Variants in TMEM164 observed in about 807,000 individuals in gnomAD.
TMEM164 encodes transmembrane protein 164.
In TMEM164, 4 loss-of-function variants were observed where a neutral mutation model predicts 18.8. The ratio of observed to expected loss-of-function variants is 0.21; its 90% CI spans 0.10 to 0.49. TMEM164 has a LOEUF of 0.49. Among genes scored for constraint, TMEM164 ranks in the 20% least tolerant of loss-of-function variants. TMEM164 has a pLI of 0.98. For missense variants in TMEM164, 108 were observed against 239.9 expected (o/e 0.45, Z 3.63); for synonymous variants, 86 against 101.7 (o/e 0.85, Z 0.93).
At chrX:110,160,392 T>A (rs1456875160) in intron 5 of TMEM164, among the ~76,000 whole-genome samples, 1 of 112,468 alleles carries the variant, frequency 8.9e-6, no homozygotes, top group Non-Finnish European at 1.9e-5. Flanking sequence ...TTTATGCTCA[T>A]CTGCTTTGAA....
intron 2 of TMEM164, among the ~76,000 whole-genome samples, chrX:110,021,045 T>A (rs1933808598): frequency 9.9e-6 from 1 of 100,975 alleles, no homozygotes; most frequent in African/African-American, 3.6e-5. Flanking sequence ...ATTTTAAAAA[T>A]CTGGAAGAAT....
At chrX:110,084,479 G>GTATAGTATATATATATATATAT (rs1569321159) in intron 3 of TMEM164, among the ~76,000 whole-genome samples, 2 of 27,036 alleles carry the variant, frequency 7.4e-5, no homozygotes, top group African/African-American at 1.8e-4. Context: ...TATATATATA[G>GTATAGTATATATATATATATAT]AGAGAGAGAG....
At chrX:110,063,382 G>A (rs1440356963) in intron 2 of TMEM164, among the ~76,000 whole-genome samples, 2 of 111,813 alleles carry the variant, frequency 1.8e-5, no homozygotes, top group Non-Finnish European at 3.8e-5. Context: ...CTGGGGTGGA[G>A]CAGAAGTGGA....
intron 4 of TMEM164, among the ~76,000 whole-genome samples, chrX:110,126,850 G>T (rs905414776): frequency 4.7e-5 from 5 of 106,873 alleles, no homozygotes; most frequent in Admixed American, 1.0e-4. Context: ...GTGTGTGTGT[G>T]TGTGTGTGTG....
At chrX:110,092,550 C>T (rs777827552) in intron 3 of TMEM164, among the ~76,000 whole-genome samples, 1 of 112,050 alleles carries the variant, frequency 8.9e-6, no homozygotes, top group South Asian at 3.7e-4. Flanking sequence ...GATTTTTGCA[C>T]ATTGATTTTG....
intron 5 of TMEM164, among the ~76,000 whole-genome samples, chrX:110,163,305 A>C (rs2067116777): frequency 8.9e-6 from 1 of 112,524 alleles, no homozygotes; most frequent in Non-Finnish European, 1.9e-5. Context: ...TAGTCGCATT[A>C]AAAGCAGGTA....
At chrX:110,021,269 G>A (rs1172636737) in intron 2 of TMEM164, among the ~76,000 whole-genome samples, 7 of 111,921 alleles carry the variant, frequency 6.3e-5, no homozygotes, top group Non-Finnish European at 1.3e-4. Flanking sequence ...GCCAACTCAC[G>A]AGAGAACATT....
Position 110,157,972 on chromosome X carries a change from G to A in TMEM164, c.586+13096G>A, listed in dbSNP as rs1230317319. Among the ~76,000 whole-genome samples the A allele has an allele frequency of 7.2e-5, 8 of 111,348 alleles. No homozygotes were observed. In the East Asian group the frequency reaches 8.5e-4, roughly 12 times the overall value. ...CGAGATCTTGGCTCACTGCAACCTCGACCTCCCGGGTTTAAGCGATTCTCC... is the reference window on the plus strand; with the variant it reads ...CGAGATCTTGGCTCACTGCAACCTCAACCTCCCGGGTTTAAGCGATTCTCC... On this transcript the variant is annotated intron_variant, in intron 5 of 6. Coordinates refer to ENST00000372068, the MANE Select transcript of TMEM164 (RefSeq NM_032227.4).
At chrX:110,120,443 A>G (rs898058241) in intron 4 of TMEM164, among the ~76,000 whole-genome samples, 1 of 111,973 alleles carries the variant, frequency 8.9e-6, no homozygotes, top group Non-Finnish European at 1.9e-5. Context: ...CTTTCAATAC[A>G]CACTCATTTA....
At chrX:110,168,125 C>CT (rs1441979737) in intron 5 of TMEM164, among the ~76,000 whole-genome samples, 2 of 112,557 alleles carry the variant, frequency 1.8e-5, no homozygotes, top group Non-Finnish European at 3.8e-5. Context: ...GACAACAGGA[C>CT]TGGGGGCTCC....
chrX:110,107,851 G>A (rs911777246), intron 3 of TMEM164, among the ~76,000 whole-genome samples: 1 of 109,991 alleles, frequency 9.1e-6, no homozygotes, highest in African/African-American at 3.3e-5. Context: ...GTAGAGACGG[G>A]GTTTTGCCAT....
chrX:110,145,992 T>A (rs2066849439), intron 5 of TMEM164, among the ~76,000 whole-genome samples: 1 of 111,776 alleles, frequency 8.9e-6, no homozygotes, highest in African/African-American at 3.3e-5. Context: ...CCACTTGGGG[T>A]CTCACGATGT....
At chrX:110,016,462 AAG>A (rs752199377) in intron 2 of TMEM164, among the ~76,000 whole-genome samples, 23 of 111,670 alleles carry the variant, frequency 2.1e-4, no homozygotes, top group African/African-American at 7.2e-4. Flanking sequence ...ATGGGCAAAA[AAG>A]AGTCGAATTT....
chrX:110,031,050 C>T (rs1934480072), intron 2 of TMEM164, among the ~76,000 whole-genome samples: 1 of 110,886 alleles, frequency 9.0e-6, no homozygotes, highest in South Asian at 3.9e-4. Context: ...TGTTATCCCT[C>T]CTCTTCCCCT....
At chrX:110,116,278 G>A (rs969974222) in intron 4 of TMEM164, among the ~76,000 whole-genome samples, 2 of 112,161 alleles carry the variant, frequency 1.8e-5, no homozygotes, top group Non-Finnish European at 3.8e-5. Context: ...GGAAACTGAG[G>A]TTCAGATCAG....
At chrX:110,148,152 C>T (rs1306002674) in intron 5 of TMEM164, among the ~76,000 whole-genome samples, 4 of 110,910 alleles carry the variant, frequency 3.6e-5, no homozygotes, top group African/African-American at 9.9e-5. Context: ...CTATGGCCAG[C>T]TCCTCCACAC....
intron 2 of TMEM164, among the ~76,000 whole-genome samples, chrX:110,058,590 C>A (rs1356928779): frequency 1.0e-5 from 1 of 99,745 alleles, no homozygotes. Flanking sequence ...GGTCCCCTCC[C>A]CTCCCCTCCC....
In TMEM164 at chrX:110,132,530, G is replaced by A. The variant is rs755857467; in HGVS notation, c.508-12268G>A. On this transcript the variant is annotated intron_variant, in intron 4 of 6. Transcript: ENST00000372068. ...GCTATGGATATATAGATATATACAT[G>A]TAGATATATCTTCCTAAATAAGATA... Among the ~76,000 whole-genome samples the A allele has an allele frequency of 5.9e-4, 66 of 111,988 alleles. 2 individuals carry two copies. The Admixed American group carries it at 6.2e-3, about 10-fold the overall frequency.
chrX:110,168,659 C>G (rs758805461), intron 5 of TMEM164, among the ~76,000 whole-genome samples: 1 of 112,659 alleles, frequency 8.9e-6, no homozygotes, highest in African/African-American at 3.2e-5. Flanking sequence ...CACAGAAGAG[C>G]CCCCAGCCCT....
Sources: allele counts gnomAD v4.1 joint callset (sites outside exome capture counted in the v4.1 genomes callset), GRCh38; gene constraint gnomAD v4.1.1; transcripts MANE v1.5; gene names NCBI Gene and HGNC (gene_info 2026-07-23, HGNC 2026-07-21).